ITGA9: variants seen among roughly 807,000 people sequenced by gnomAD.
ITGA9 encodes the protein integrin alpha-9.
Under a neutral mutation model 127.8 loss-of-function variants are expected in ITGA9, and 56 were observed. The observed-to-expected ratio is 0.44, with a 90% CI of 0.35 to 0.55. ITGA9 has a LOEUF of 0.55. Ranked by LOEUF, ITGA9 falls within the 20% of genes least tolerant of loss-of-function variation. The pLI, the probability that ITGA9 is intolerant of heterozygous loss-of-function variation, is 0.00. For missense variants in ITGA9, 1,196 were observed against 1,347.1 expected (o/e 0.89, Z 1.76); for synonymous variants, 508 against 514.5 (o/e 0.99, Z 0.17).
chr3:37,660,751 G>A (rs574320173), intron 17 of ITGA9, among the ~76,000 whole-genome samples: 10 of 152,204 alleles, frequency 6.6e-5, no homozygotes, highest in Non-Finnish European at 1.5e-4. Flanking sequence ...GGATTTTCAG[G>A]TCAGCTGGCC....
At chr3:37,554,021 T>C (rs1253512084) in intron 15 of ITGA9, among the ~76,000 whole-genome samples, 1 of 152,168 alleles carries the variant, frequency 6.6e-6, no homozygotes, top group Admixed American at 6.5e-5. Flanking sequence ...ATTGCATACC[T>C]ATTATGCCGT....
intron 15 of ITGA9, among the ~76,000 whole-genome samples, chr3:37,546,807 A>T (rs1285831334): frequency 7.2e-5 from 11 of 152,168 alleles, no homozygotes; most frequent in African/African-American, 2.4e-4. Flanking sequence ...AGAATTTGGG[A>T]TGCATGGTGT....
At chr3:37,474,011 A>G (rs1482835327) in intron 3 of ITGA9, among the ~76,000 whole-genome samples, 5 of 152,354 alleles carry the variant, frequency 3.3e-5, no homozygotes, top group Middle Eastern at 6.8e-3. Context: ...TTCACTCAAA[A>G]TAATATTTTC....
At chr3:37,485,588 T>C (rs1698601433) in intron 4 of ITGA9, among the ~76,000 whole-genome samples, 1 of 152,204 alleles carries the variant, frequency 6.6e-6, no homozygotes, top group African/African-American at 2.4e-5. Flanking sequence ...TCATGGTAAG[T>C]CTCCATATGG....
At chr3:37,474,456 T>C (rs938062225) in intron 3 of ITGA9, among the ~76,000 whole-genome samples, 5 of 152,192 alleles carry the variant, frequency 3.3e-5, no homozygotes, top group Admixed American at 6.5e-5. Context: ...AGAGGTTTTG[T>C]TTTTGTCAAT....
At chr3:37,497,931 C>T (rs1401782903) in intron 5 of ITGA9, among the ~76,000 whole-genome samples, 1 of 152,134 alleles carries the variant, frequency 6.6e-6, no homozygotes, top group Non-Finnish European at 1.5e-5. Context: ...GGTAGGAGGC[C>T]GTGATGTGGT....
intron 15 of ITGA9, among the ~76,000 whole-genome samples, chr3:37,627,544 A>G (rs1378130506): frequency 2.0e-5 from 3 of 152,234 alleles, no homozygotes; most frequent in Admixed American, 6.5e-5. Context: ...AGTGGCAGTA[A>G]AAACGGAAAC....
At chr3:37,568,644 C>CT (rs1369509337) in intron 15 of ITGA9, among the ~76,000 whole-genome samples, 19 of 152,324 alleles carry the variant, frequency 1.2e-4, no homozygotes, top group African/African-American at 4.6e-4. Flanking sequence ...CCTAAGTCAT[C>CT]TCCCTCAAGT....
At chr3:37,472,901 G>A (rs992302900) in intron 2 of ITGA9, among the ~76,000 whole-genome samples, 1 of 151,874 alleles carries the variant, frequency 6.6e-6, no homozygotes, top group South Asian at 2.1e-4. Flanking sequence ...CACTTCGGGA[G>A]GTTGGGGTGG....
intron 15 of ITGA9, among the ~76,000 whole-genome samples, chr3:37,611,468 G>T (rs1700015741): frequency 6.6e-6 from 1 of 152,092 alleles, no homozygotes; most frequent in Admixed American, 6.6e-5. Flanking sequence ...GTAGGAATGG[G>T]GTGGCAAGAA....
chr3:37,782,741 T>C (rs1217289255), intron 25 of ITGA9, among the ~76,000 whole-genome samples: 1 of 152,248 alleles, frequency 6.6e-6, no homozygotes, highest in Non-Finnish European at 1.5e-5. Flanking sequence ...CAGTCGTGTT[T>C]ATTTTCCTTT....
intron 9 of ITGA9, among the ~76,000 whole-genome samples, chr3:37,514,574 C>T (rs1211422141): frequency 2.6e-5 from 4 of 152,016 alleles, no homozygotes; most frequent in Non-Finnish European, 4.4e-5. Flanking sequence ...TCTTTTTGTT[C>T]GTTTGTTTGT....
At chr3:37,640,390 G>C (rs1418367219) in intron 16 of ITGA9, among the ~76,000 whole-genome samples, 1 of 152,114 alleles carries the variant, frequency 6.6e-6, no homozygotes, top group African/African-American at 2.4e-5. Context: ...CAACCTTAAG[G>C]GGCTGGGAGA....
chr3:37,624,451 C>A (rs1700157663), intron 15 of ITGA9, among the ~76,000 whole-genome samples: 1 of 152,068 alleles, frequency 6.6e-6, no homozygotes, highest in Non-Finnish European at 1.5e-5. Flanking sequence ...TCTCTTTCCA[C>A]TAAACCCATG....
chr3:37,794,059 G>A (rs908271209), intron 26 of ITGA9, among the ~76,000 whole-genome samples: 1 of 152,234 alleles, frequency 6.6e-6, no homozygotes, highest in Non-Finnish European at 1.5e-5. Context: ...GCGTGTCCAT[G>A]TCCCATTAAG....
intron 22 of ITGA9, chr3:37,748,022 T>C (rs6782733): frequency 1.7e-4 from 59 of 339,370 alleles, no homozygotes; most frequent in African/African-American, 1.1e-3. Context: ...TCCGTCCTTG[T>C]TGTTGCAAAA....
At chr3:37,602,753 A>G (rs1206816380) in intron 15 of ITGA9, among the ~76,000 whole-genome samples, 1 of 152,164 alleles carries the variant, frequency 6.6e-6, no homozygotes, top group Non-Finnish European at 1.5e-5. Context: ...TTTCGTATAC[A>G]TTATCTCATT....
In ITGA9 at chr3:37,748,513, C is replaced by T. The variant is rs192939536; in HGVS notation, c.2434-1949C>T. The T allele has an allele frequency of 1.4e-3, 680 of 493,678 alleles. 7 individuals are homozygous for T. Among genetic ancestry groups the T allele is most frequent in the African/African-American group, 0.012 (588 of 51,090 alleles). The allele number at this position is 493,678 out of a possible 1,614,324, so 30.6% of individuals were successfully genotyped here. ...CTGTAATCCTAACACTTTGGGAGGC[C>T]GAGGCAGGCGGATCACCTGAGGTCA... On this transcript the variant is annotated intron_variant, in intron 22 of 27. Coordinates refer to ENST00000264741, the MANE Select transcript of ITGA9 (RefSeq NM_002207.3).
At chr3:37,509,046 C>A (rs575325341) in intron 8 of ITGA9, among the ~76,000 whole-genome samples, 1 of 152,182 alleles carries the variant, frequency 6.6e-6, no homozygotes. Context: ...AACATTACCC[C>A]CTTCCCTAAT....
Sources: allele counts gnomAD v4.1 joint callset (sites outside exome capture counted in the v4.1 genomes callset), GRCh38; gene constraint gnomAD v4.1.1; transcripts MANE v1.5; gene names NCBI Gene and HGNC (gene_info 2026-07-23, HGNC 2026-07-21).